CAPRIN2: variants seen among roughly 807,000 people sequenced by gnomAD.
CAPRIN2 encodes the protein caprin family member 2, also known as caprin-2.
Under a neutral mutation model 130.4 loss-of-function variants are expected in CAPRIN2, and 66 were observed. The ratio of observed to expected loss-of-function variants is 0.51; its 90% CI spans 0.42 to 0.62. The LOEUF is 0.62. Ranked by LOEUF, CAPRIN2 falls within the 20% of genes least tolerant of loss-of-function variation. The probability of loss-of-function intolerance (pLI) is 0.00; values close to 1 mark genes in which losing one functional copy is unlikely to be tolerated. For synonymous variants in CAPRIN2, 471 were observed against 444.1 expected, an observed-to-expected ratio of 1.06 and a Z score of -0.76; for missense variants, 1,185 against 1,246.6, an observed-to-expected ratio of 0.95 and a Z score of 0.74.
exon 17 of CAPRIN2, chr12:30,709,761 G>T: frequency 1.1e-6 from 1 of 930,082 alleles, no homozygotes; most frequent in Non-Finnish European, 1.6e-6. Context: ...CCTCAGGAAG[G>T]AAAACAAAAA....
At chr12:30,754,572 G>C (rs980851512), upstream of CAPRIN2, 1 of 152,270 alleles carries the variant, frequency 6.6e-6, no homozygotes, top group Non-Finnish European at 1.5e-5. Flanking sequence ...AAGGCCCCGG[G>C]GGAGGCTGAC....
chr12:30,744,959 A>AAAG (rs1274179373), intron 2 of CAPRIN2, among the ~76,000 whole-genome samples: 2 of 152,230 alleles, frequency 1.3e-5, no homozygotes, highest in Non-Finnish European at 2.9e-5. Flanking sequence ...GTTTCAAGAA[A>AAAG]AAGACACCAC....
At chr12:30,719,342 G>T in intron 12 of CAPRIN2, 117 bp from the exon 14 acceptor site, 2 of 1,150,596 alleles carry the variant, frequency 1.7e-6, no homozygotes, top group Non-Finnish European at 2.5e-6. Context: ...TTTGGACACA[G>T]GAATGCAAAA....
intron 2 of CAPRIN2, among the ~76,000 whole-genome samples, chr12:30,750,225 A>C (rs1299006642): frequency 6.6e-6 from 1 of 152,222 alleles, no homozygotes; most frequent in Non-Finnish European, 1.5e-5. Flanking sequence ...TGGGTCAGTG[A>C]AGAGGAGTCA....
intron 15 of CAPRIN2, among the ~76,000 whole-genome samples, chr12:30,712,961 C>T (rs1293275535): frequency 1.3e-5 from 2 of 152,114 alleles, no homozygotes; most frequent in South Asian, 2.1e-4. Context: ...AGGCTGGTCT[C>T]GAACTCCTGA....
intron 8 of CAPRIN2, 94 bp downstream of exon 9, chr12:30,728,554 C>CAAAAAAAA: frequency 1.2e-6 from 1 of 808,678 alleles, no homozygotes; most frequent in Non-Finnish European, 1.8e-6. Flanking sequence ...TTCTCCATCT[C>CAAAAAAAA]AAAAAAAAAA....
chr12:30,747,632 G>C (rs573828461), intron 2 of CAPRIN2, among the ~76,000 whole-genome samples: 3 of 151,526 alleles, frequency 2.0e-5, no homozygotes, highest in Non-Finnish European at 4.4e-5. Context: ...AGCCGAGATC[G>C]TGCCATTGTA....
Position 30,727,816 on chromosome 12 carries a change from A to C in CAPRIN2, c.1782+832T>G, listed in dbSNP as rs74450722. On this transcript the variant is annotated intron_variant, in intron 8 of 16. Coordinates refer to ENST00000298892, the Ensembl canonical transcript of CAPRIN2. ...TCTCATTTTGAAATGGAAATAGAGA[A>C]CTAATTCAAATCCTTCCCCCAATAC... Among the ~76,000 whole-genome samples, 1,033 of 152,338 alleles carry C rather than the reference A, an allele frequency of 6.8e-3. 16 individuals are homozygous for C. The highest frequency in any genetic ancestry group is 0.054 in the East Asian group (279 of 5,188).
At chr12:30,724,439 C>A in exon 10 of CAPRIN2, 1 of 1,607,710 alleles carries the variant, frequency 6.2e-7, no homozygotes, top group South Asian at 1.1e-5. Flanking sequence ...TTGTCAAAGT[C>A]AAGAACAGAC....
At chr12:30,723,902 G>C (rs2060147874) in intron 10 of CAPRIN2, among the ~76,000 whole-genome samples, 1 of 152,208 alleles carries the variant, frequency 6.6e-6, no homozygotes, top group Admixed American at 6.5e-5. Flanking sequence ...CCTCTCTGGA[G>C]AGAAACAAAT....
chr12:30,723,523 A>G (rs2060023558), intron 10 of CAPRIN2, among the ~76,000 whole-genome samples: 1 of 152,248 alleles, frequency 6.6e-6, no homozygotes, highest in Non-Finnish European at 1.5e-5. Flanking sequence ...ACACAGAGTG[A>G]TGCTTTAAGG....
chr12:30,724,155 A>G (rs1383157791), intron 10 of CAPRIN2, among the ~76,000 whole-genome samples: 2 of 152,222 alleles, frequency 1.3e-5, no homozygotes, highest in South Asian at 2.1e-4. Flanking sequence ...ACCCATCCAG[A>G]GCCTTTCTCC....
chr12:30,724,480 G>C, intron 9 of CAPRIN2, 29 bp from the exon 11 acceptor site: 1 of 1,422,680 alleles, frequency 7.0e-7, no homozygotes, highest in Non-Finnish European at 9.9e-7. Context: ...ATAAAGAGTG[G>C]AAACAGAGAT....
chr12:30,751,267 A>T, intron 1 of CAPRIN2, 134 bp from the exon 3 acceptor site: 1 of 700,206 alleles, frequency 1.4e-6, no homozygotes. Flanking sequence ...TCATTTTACT[A>T]TACGGCATGC....
rs956605473 is a variant in CAPRIN2 at position 30,710,952 on chromosome 12, T to C, written c.2666-482A>G. ...TAAGTCCCATGATGATGAATGCTTT[T>C]TTTATTTCCAAGTCATACACTTGTA... On this transcript the variant is annotated intron_variant, in intron 16 of 16. Coordinates refer to ENST00000298892, the Ensembl canonical transcript of CAPRIN2. The surrounding 1 kb of genome is among the most constrained non-coding windows in gnomAD (Gnocchi z 4.8). 1.3e-5 allele frequency among the ~76,000 whole-genome samples: 2 copies of C among 152,216 alleles called. No individual in the cohort carries two copies. Among genetic ancestry groups the C allele is most frequent in the Admixed American group, 1.3e-4 (2 of 15,282 alleles).
intron 12 of CAPRIN2, among the ~76,000 whole-genome samples, chr12:30,718,723 G>A (rs1164651443): frequency 2.6e-5 from 4 of 152,164 alleles, no homozygotes; most frequent in Non-Finnish European, 4.4e-5. Flanking sequence ...CTGATGTTAG[G>A]GAATAATACT....
At position 30,710,151 on chromosome 12, in the gene CAPRIN2, G is replaced by A. The variant is rs7137533; in HGVS notation, c.2985C>T (p.Tyr995=). 14,214 of 1,614,014 alleles carry A rather than the reference G, an allele frequency of 8.8e-3. 1,032 individuals are homozygous for A. The African/African-American group carries it at 0.16, about 19-fold the overall frequency. ...GCTTTAGCATGTGAAAAATGAAAAC[G>A]TAAGTGCCATTCACTGGGCAATTAA... Residue 995 remains tyrosine (Y), a synonymous_variant, in exon 17 of 17, where the codon TAC becomes TAT. Transcript: ENST00000298892. The surrounding 1 kb of genome is among the most constrained non-coding windows in gnomAD (Gnocchi z 4.8).
chr12:30,745,546 G>A (rs1400255773), intron 2 of CAPRIN2, among the ~76,000 whole-genome samples: 1 of 152,026 alleles, frequency 6.6e-6, no homozygotes, highest in Non-Finnish European at 1.5e-5. Context: ...ATTATTATAA[G>A]TACCTGTTGG....
At chr12:30,709,559 TA>T (rs1482466779) in exon 17 of CAPRIN2, 2 of 191,814 alleles carry the variant, frequency 1.0e-5, no homozygotes, top group Non-Finnish European at 2.2e-5. Context: ...AAGGTGCATG[TA>T]ACTTTTTTAT....
Sources: gnomAD v4.1 joint callset for allele counts (sites outside exome capture counted in the v4.1 genomes callset) on GRCh38, gnomAD v4.1.1 for gene constraint, Gnocchi (gnomAD v3.1) non-coding constraint, MANE v1.5 for transcripts, NCBI Gene and HGNC (gene_info 2026-07-23, HGNC 2026-07-21) for gene names.